The following TMEM232 variants were observed in gnomAD, a reference collection of about 807,000 sequenced individuals.
TMEM232 encodes the protein transmembrane protein 232.
TMEM232 carries 80 observed loss-of-function variants against 78.8 expected under a neutral mutation model. The ratio of observed to expected loss-of-function variants is 1.01; its 90% CI spans 0.85 to 1.22. TMEM232 has a LOEUF of 1.22. TMEM232 is among the 50% of genes most tolerant of loss of function. The pLI is 0.00. For missense variants in TMEM232, 881 were observed against 742.2 expected, an observed-to-expected ratio of 1.19 and a Z score of -2.17; for synonymous variants, 297 against 254.3, an observed-to-expected ratio of 1.17 and a Z score of -1.60.
chr5:110,610,248 G>GAGGAAGGGAGGAAGGA (rs1782066425), intron 8 of TMEM232, among the ~76,000 whole-genome samples: 1 of 137,954 alleles, frequency 7.2e-6, no homozygotes, highest in African/African-American at 3.1e-5. Context: ...GGAAGGAAGG[G>GAGGAAGGGAGGAAGGA]AGGAAGGGAG....
intron 3 of TMEM232, among the ~76,000 whole-genome samples, chr5:110,396,333 G>A (rs1179787016): frequency 6.6e-6 from 1 of 152,104 alleles, no homozygotes; most frequent in African/African-American, 2.4e-5. Context: ...TTTGGGTGGG[G>A]ACACAAAACC....
chr5:110,631,094 A>C (rs540935298), intron 5 of TMEM232, among the ~76,000 whole-genome samples: 1 of 152,128 alleles, frequency 6.6e-6, no homozygotes, highest in African/African-American at 2.4e-5. Flanking sequence ...AGGAGCCCCA[A>C]CTGACATTCC....
rs546773762 is a variant in TMEM232 at position 110,484,934 on chromosome 5, C to T, written c.1703+43654G>A. Among the ~76,000 whole-genome samples the T allele has an allele frequency of 6.6e-5, 10 of 152,096 alleles. No individual in the cohort carries two copies. The East Asian group carries it at 1.2e-3, about 18-fold the overall frequency. On this transcript the variant is annotated intron_variant, in intron 12 of 13. Coordinates refer to ENST00000455884, the MANE Select transcript of TMEM232 (RefSeq NM_001039763.4). ...TATATAAAAGAACCACAATGTGATA[C>T]CATCTTACTCCTGCAAGAATAGCCT...
chr5:110,598,902 C>T (rs186840973), intron 10 of TMEM232, among the ~76,000 whole-genome samples: 1 of 148,728 alleles, frequency 6.7e-6, no homozygotes, highest in African/African-American at 2.5e-5. Flanking sequence ...AGGAGATATA[C>T]CTAATGCTAA....
chr5:110,555,728 T>C (rs1037737527), intron 11 of TMEM232, among the ~76,000 whole-genome samples: 3 of 152,192 alleles, frequency 2.0e-5, no homozygotes, highest in Admixed American at 2.0e-4. Flanking sequence ...TCTTGTTGAA[T>C]TGATCCCTTT....
intron 12 of TMEM232, among the ~76,000 whole-genome samples, chr5:110,438,488 C>T (rs1235310140): frequency 6.6e-6 from 1 of 151,714 alleles, no homozygotes; most frequent in Non-Finnish European, 1.5e-5. Flanking sequence ...ATAGATTTGC[C>T]CTCCACTTAA....
At chr5:110,694,907 C>A (rs1418808475) in intron 1 of TMEM232, among the ~76,000 whole-genome samples, 2 of 152,064 alleles carry the variant, frequency 1.3e-5, no homozygotes, top group Admixed American at 1.3e-4. Flanking sequence ...ACAGAAAGTT[C>A]ACAAGGATAT....
At chr5:110,439,906 C>A (rs546849761) in intron 12 of TMEM232, among the ~76,000 whole-genome samples, 28 of 151,998 alleles carry the variant, frequency 1.8e-4, no homozygotes, top group Non-Finnish European at 3.7e-4. Context: ...TCTATATTAA[C>A]CTATAAATTA....
At chr5:110,395,148 C>A (rs768391594) in intron 3 of TMEM232, among the ~76,000 whole-genome samples, 4 of 152,118 alleles carry the variant, frequency 2.6e-5, no homozygotes, top group Non-Finnish European at 5.9e-5. Flanking sequence ...CCTCCCATTG[C>A]ATTTTCATTA....
In TMEM232 at chr5:110,420,614, G is replaced by T. The variant is rs138917790; in HGVS notation, c.1940C>A (p.Pro647His). ...REEKLHKQTK[P>H]YELPYRKEVI ...TTCCTTCCTATAAGGAAGTTCATAG[G>T]GCTTGGTTTGCTTATGTAGTTTCTC... Residue 647 changes from proline to histidine, a missense_variant, in exon 14 of 14, where the codon CCC (proline) becomes CAC (histidine). Physicochemically the swap from Pro to His is moderately conservative, Grantham distance 77 (BLOSUM62 -2). Coordinates refer to ENST00000455884, the MANE Select transcript of TMEM232 (RefSeq NM_001039763.4). 12 of 1,498,800 alleles carry T rather than the reference G, an allele frequency of 8.0e-6. No individual in the cohort carries two copies. In the East Asian group the frequency reaches 2.3e-4, roughly 29 times the overall value. The allele number at this position is 1,498,800 out of a possible 1,614,324, so 92.8% of individuals were successfully genotyped here.
At chr5:110,622,679 T>C (rs1018821077) in intron 7 of TMEM232, among the ~76,000 whole-genome samples, 1 of 152,070 alleles carries the variant, frequency 6.6e-6, no homozygotes, top group African/African-American at 2.4e-5. Flanking sequence ...TATAGCAGCA[T>C]GATTTACAGT....
intron 2 of TMEM232, among the ~76,000 whole-genome samples, chr5:110,650,768 G>GA (rs1374393022): frequency 1.3e-5 from 2 of 151,882 alleles, no homozygotes; most frequent in Admixed American, 6.6e-5. Context: ...TCCTGGAACA[G>GA]AAAAAAGGAA....
chr5:110,694,513 C>T (rs1047369543), intron 1 of TMEM232, among the ~76,000 whole-genome samples: 2 of 152,020 alleles, frequency 1.3e-5, no homozygotes, highest in Admixed American at 1.3e-4. Flanking sequence ...GACAGGCAAA[C>T]TGGATAAAGA....
At chr5:110,598,321 A>G (rs756681152) in intron 10 of TMEM232, among the ~76,000 whole-genome samples, 2 of 152,218 alleles carry the variant, frequency 1.3e-5, no homozygotes, top group African/African-American at 4.8e-5. Flanking sequence ...ATACCATCTC[A>G]CACCAGTTAG....
intron 11 of TMEM232, among the ~76,000 whole-genome samples, chr5:110,545,491 T>C (rs1326455625): frequency 1.3e-5 from 2 of 152,082 alleles, no homozygotes; most frequent in East Asian, 3.9e-4. Flanking sequence ...TGGCATTCTA[T>C]TGATAAGTAT....
At chr5:110,465,490 C>T (rs1225291396) in intron 12 of TMEM232, among the ~76,000 whole-genome samples, 2 of 152,154 alleles carry the variant, frequency 1.3e-5, no homozygotes, top group Admixed American at 6.5e-5. Context: ...GAAAGTACCA[C>T]AGCATTATTT....
At chr5:110,491,172 A>G (rs1332863854) in intron 12 of TMEM232, among the ~76,000 whole-genome samples, 1 of 152,100 alleles carries the variant, frequency 6.6e-6, no homozygotes, top group Non-Finnish European at 1.5e-5. Flanking sequence ...GGATTTAAAT[A>G]GATTTTTTTA....
At chr5:110,539,044 A>G (rs1187828501) in intron 11 of TMEM232, among the ~76,000 whole-genome samples, 2 of 152,212 alleles carry the variant, frequency 1.3e-5, no homozygotes, top group Admixed American at 1.3e-4. Flanking sequence ...AAATAGGGGC[A>G]CTGCTACAAT....
intron 11 of TMEM232, among the ~76,000 whole-genome samples, chr5:110,531,494 T>C (rs1771475345): frequency 1.3e-5 from 2 of 152,268 alleles, no homozygotes; most frequent in South Asian, 4.1e-4. Flanking sequence ...CTCTTTTTAC[T>C]CTCTTCTCCA....
Sources: allele counts gnomAD v4.1 joint callset (sites outside exome capture counted in the v4.1 genomes callset), GRCh38; gene constraint gnomAD v4.1.1; transcripts MANE v1.5; gene names NCBI Gene and HGNC (gene_info 2026-07-23, HGNC 2026-07-21).